GNAS-AS1: variants seen among roughly 807,000 people sequenced by gnomAD.
The protein encoded by GNAS-AS1 is GNAS antisense RNA 1 (non-protein coding).
intron 1 of GNAS-AS1, chr20:58,848,925 G>T (rs571189535): frequency 3.6e-4 from 143 of 398,572 alleles, no homozygotes; most frequent in African/African-American, 2.6e-3. Context: ...TCACTACAGA[G>T]AAATAACAGG....
intron 4 of GNAS-AS1, among the ~76,000 whole-genome samples, chr20:58,829,711 C>T (rs2085541890): frequency 6.6e-6 from 1 of 152,200 alleles, no homozygotes; most frequent in Non-Finnish European, 1.5e-5. Context: ...GTGCACGTAT[C>T]ACTTTTTCAG....
chr20:58,828,842 A>C (rs2085537008), intron 4 of GNAS-AS1, among the ~76,000 whole-genome samples: 1 of 151,762 alleles, frequency 6.6e-6, no homozygotes, highest in African/African-American at 2.4e-5. Flanking sequence ...AACATGGCAG[A>C]GCTCCTGGCC....
chr20:58,850,665 T>G, exon 1 of GNAS-AS1: 1 of 399,236 alleles, frequency 2.5e-6, no homozygotes, highest in Non-Finnish European at 4.4e-6. Flanking sequence ...CTCCTCACCT[T>G]GCCCGGCAGT....
intron 2 of GNAS-AS1, among the ~76,000 whole-genome samples, chr20:58,847,925 G>T (rs898698936): frequency 1.2e-4 from 18 of 152,224 alleles, no homozygotes; most frequent in Non-Finnish European, 2.5e-4. Flanking sequence ...TGCCATGAAA[G>T]CATCAATAGA....
chr20:58,841,847 A>T lies in GNAS-AS1; in HGVS notation n.819+90T>A. 2.4e-6 allele frequency: 3 copies of T among 1,230,992 alleles called. No homozygotes were observed. Among genetic ancestry groups the T allele is most frequent in the Non-Finnish European group, 3.0e-6 (3 of 987,958 alleles). The allele number at this position is 1,230,992 out of a possible 1,614,324, so 76.3% of individuals were successfully genotyped here. On this transcript the variant is annotated intron_variant and non_coding_transcript_variant, in intron 4 of 4. Transcript: ENST00000424094. This position sits in a 1 kb window ranked among gnomAD's most constrained non-coding sequence, Gnocchi z 5.0. ...TGGGCTGTTTGCGCAGGACCTCTGG[A>T]GGCCCTCGAGATCGTCGCAAGTGGA...
In GNAS-AS1 at chr20:58,840,843, A is replaced by G; in HGVS notation, n.819+1094T>C. ...GGACCCATCCCCATCCGGCGTCACT[A>G]ATGGAGGACGCCGTCCAGATTCTCC... On this transcript the variant is annotated intron_variant and non_coding_transcript_variant, in intron 4 of 4. Coordinates refer to ENST00000424094, the Ensembl canonical transcript of GNAS-AS1. This position sits in a 1 kb window ranked among gnomAD's most constrained non-coding sequence, Gnocchi z 6.0. The G allele has an allele frequency of 6.2e-7, 1 of 1,612,170 alleles. No homozygotes were observed. The highest frequency in any genetic ancestry group is 1.1e-5 in the South Asian group (1 of 91,066).
At position 58,841,035 on chromosome 20, in the gene GNAS-AS1, C is replaced by A; in HGVS notation, n.819+902G>T. ...CCTGGGATCGGGGGTCAGGGTGAGGCGGCGAGGGCTCCCCCAAACTTCCCA... is the reference window on the plus strand; with the variant it reads ...CCTGGGATCGGGGGTCAGGGTGAGGAGGCGAGGGCTCCCCCAAACTTCCCA... On this transcript the variant is annotated intron_variant and non_coding_transcript_variant, in intron 4 of 4. Coordinates refer to ENST00000424094, the Ensembl canonical transcript of GNAS-AS1. This position sits in a 1 kb window ranked among gnomAD's most constrained non-coding sequence, Gnocchi z 5.0. 2 of 932,804 alleles carry A rather than the reference C, an allele frequency of 2.1e-6. No individual in the cohort carries two copies. The highest frequency in any genetic ancestry group is 3.2e-6 in the Non-Finnish European group (2 of 627,844). 57.8% of individuals were successfully genotyped at this position (932,804 alleles called of 1,614,324 possible). A position where few individuals can be genotyped will look rare whatever the true frequency, so the allele number is the denominator to read the frequency against.
At chr20:58,835,390 C>G (rs546638690) in intron 4 of GNAS-AS1, among the ~76,000 whole-genome samples, 1 of 152,246 alleles carries the variant, frequency 6.6e-6, no homozygotes, top group African/African-American at 2.4e-5. Context: ...TTCTGAGAAC[C>G]CATGATTCAT....
intron 4 of GNAS-AS1, among the ~76,000 whole-genome samples, chr20:58,832,199 T>C (rs930872987): frequency 1.3e-5 from 2 of 152,112 alleles, no homozygotes; most frequent in Non-Finnish European, 2.9e-5. Context: ...CCACTCACAA[T>C]GCAACAAAAG....
rs2085744054 is a variant in GNAS-AS1, at chr20:58,841,872, A to G, written n.819+65T>C. 3 of 1,231,180 alleles carry G rather than the reference A, an allele frequency of 2.4e-6. No homozygotes were observed. The Admixed American group carries it at 1.3e-4, about 52-fold the overall frequency. 76.3% of individuals were successfully genotyped at this position (1,231,180 alleles called of 1,614,324 possible). ...AGGCCCTCGAGATCGTCGCAAGTGG[A>G]AAGGTAAAGCGGAACAAGGGACAGG... On this transcript the variant is annotated intron_variant and non_coding_transcript_variant, in intron 4 of 4. Coordinates refer to ENST00000424094, the Ensembl canonical transcript of GNAS-AS1. This position sits in a 1 kb window ranked among gnomAD's most constrained non-coding sequence, Gnocchi z 5.0.
At chr20:58,832,595 G>A (rs948126267) in intron 4 of GNAS-AS1, among the ~76,000 whole-genome samples, 1 of 152,182 alleles carries the variant, frequency 6.6e-6, no homozygotes, top group Non-Finnish European at 1.5e-5. Context: ...GGGCAGTCAC[G>A]CTAAGATACT....
At position 58,840,188 on chromosome 20, in the gene GNAS-AS1, G is replaced by C. The variant is rs759833927; in HGVS notation, n.819+1749C>G. ...CCTGTGCCCGCCCATAGGCCGCCGG[G>C]CAGCCACCGCGCTCCTCTGGCTCTC... On this transcript the variant is annotated intron_variant and non_coding_transcript_variant, in intron 4 of 4. Transcript: ENST00000424094. The surrounding 1 kb of genome is among the most constrained non-coding windows in gnomAD (Gnocchi z 6.0). The C allele has an allele frequency of 6.2e-7, 1 of 1,611,242 alleles. No homozygotes were observed. The highest frequency in any genetic ancestry group is 1.6e-4 in the Middle Eastern group (1 of 6,062).
At position 58,841,236 on chromosome 20, in the gene GNAS-AS1, T is replaced by C. The variant is rs2085709827; in HGVS notation, n.819+701A>G. ...AAACGGCATTGGTAAGTCACTTGTTTTGCGCGCTTTTCTTCCTCCTAGAAA... is the reference window on the plus strand; with the variant it reads ...AAACGGCATTGGTAAGTCACTTGTTCTGCGCGCTTTTCTTCCTCCTAGAAA... On this transcript the variant is annotated intron_variant and non_coding_transcript_variant, in intron 4 of 4. Transcript: ENST00000424094. The surrounding 1 kb of genome is among the most constrained non-coding windows in gnomAD (Gnocchi z 5.0). 3 of 852,446 alleles carry C rather than the reference T, an allele frequency of 3.5e-6. No homozygotes were observed. The highest frequency in any genetic ancestry group is 2.7e-5 in the South Asian group (1 of 36,648). 52.8% of individuals were successfully genotyped at this position (852,446 alleles called of 1,614,324 possible). A position where few individuals can be genotyped will look rare whatever the true frequency, so the allele number is the denominator to read the frequency against.
intron 4 of GNAS-AS1, among the ~76,000 whole-genome samples, chr20:58,821,411 C>A (rs1179962781): frequency 6.6e-6 from 1 of 152,258 alleles, no homozygotes; most frequent in Non-Finnish European, 1.5e-5. Context: ...GCCTGACCAG[C>A]CACTGGAGTT....
rs1490648852 is a variant in GNAS-AS1 at position 58,846,512 on chromosome 20, CAAAGAG to C, written n.413+2361_413+2366del. ...ATACAAGTACTTCAATTGCTACACT[CAAAGAG>C]AAAGATTTAACACCTAGAAATCTAG... On this transcript the variant is annotated intron_variant and non_coding_transcript_variant, in intron 2 of 4. Coordinates refer to ENST00000424094, the Ensembl canonical transcript of GNAS-AS1. 6.6e-5 allele frequency among the ~76,000 whole-genome samples: 10 copies of C among 152,190 alleles called. No homozygotes were observed. In the East Asian group the frequency reaches 1.9e-3, roughly 29 times the overall value.
At chr20:58,818,976 T>C (rs2085467124) in exon 5 of GNAS-AS1, 4 of 398,458 alleles carry the variant, frequency 1.0e-5, no homozygotes, top group Non-Finnish European at 1.8e-5. Context: ...ATACGCCCCA[T>C]CTCCAATTCT....
intron 4 of GNAS-AS1, among the ~76,000 whole-genome samples, chr20:58,832,825 A>T (rs537308610): frequency 2.6e-5 from 4 of 152,380 alleles, no homozygotes; most frequent in Non-Finnish European, 5.9e-5. Context: ...CTGACAGCAT[A>T]AAACAAGCCT....
At chr20:58,836,554 T>A (rs114169994) in intron 4 of GNAS-AS1, 153 of 152,330 alleles carry the variant, frequency 1.0e-3, no homozygotes, top group African/African-American at 3.7e-3. Context: ...CCGCAAGTGA[T>A]ATATGCCCAT....
intron 2 of GNAS-AS1, among the ~76,000 whole-genome samples, chr20:58,847,102 G>A (rs1362957157): frequency 2.0e-5 from 3 of 152,222 alleles, no homozygotes; most frequent in Non-Finnish European, 4.4e-5. Flanking sequence ...ACAGTGGCAT[G>A]CCTTGGCTGA....
Sources: gnomAD v4.1 joint callset for allele counts (sites outside exome capture counted in the v4.1 genomes callset) on GRCh38, gnomAD v4.1.1 for gene constraint, Gnocchi (gnomAD v3.1) non-coding constraint, MANE v1.5 for transcripts, NCBI Gene and HGNC (gene_info 2026-07-23, HGNC 2026-07-21) for gene names.